The following ZNF518A variants were observed in gnomAD, a reference collection of about 807,000 sequenced individuals.
The protein encoded by ZNF518A is zinc finger protein 518.
A neutral mutation model predicts 102.7 loss-of-function variants in ZNF518A; 47 were observed. That is an observed-to-expected ratio of 0.46 (90% CI 0.36 to 0.58). ZNF518A has a LOEUF of 0.58. ZNF518A is among the 20% of genes least tolerant of loss of function. The pLI, the probability that ZNF518A is intolerant of heterozygous loss-of-function variation, is 0.00. For missense variants in ZNF518A, 1,793 were observed against 1,699.8 expected, an observed-to-expected ratio of 1.05 and a Z score of -0.96; for synonymous variants, 652 against 594.6, an observed-to-expected ratio of 1.10 and a Z score of -1.40.
At chr10:96,187,533 G>T (rs2083279482) in intron 1 of ZNF518A, among the ~76,000 whole-genome samples, 1 of 152,190 alleles carries the variant, frequency 6.6e-6, no homozygotes, top group African/African-American at 2.4e-5. Flanking sequence ...AGAGTGCAAG[G>T]TCTCCAAACC....
chr10:96,156,238 C>A lies in ZNF518A; in HGVS notation c.-85C>A. ...AAAATCCTGTATATTGAAGATGTCT[C>A]TACACAGTATCGTTTCCTGTTTAAA... On this transcript the variant is annotated 5_prime_UTR_variant, in exon 6 of 6. Coordinates refer to ENST00000316045, the MANE Select transcript of ZNF518A (RefSeq NM_001330736.2). 1 of 1,367,808 alleles carries A rather than the reference C, an allele frequency of 7.3e-7. No homozygotes were observed. The highest frequency in any genetic ancestry group is 9.8e-7 in the Non-Finnish European group (1 of 1,016,674). The allele number at this position is 1,367,808 out of a possible 1,614,324, so 84.7% of individuals were successfully genotyped here. A position where few individuals can be genotyped will look rare whatever the true frequency, so the allele number is the denominator to read the frequency against.
intron 1 of ZNF518A, among the ~76,000 whole-genome samples, chr10:96,186,170 G>A (rs1554892537): frequency 6.6e-6 from 1 of 152,162 alleles, no homozygotes; most frequent in Non-Finnish European, 1.5e-5. Context: ...CTGACCCCTT[G>A]TACTTCCTGG....
chr10:96,180,797 A>G (rs1405006457), intron 1 of ZNF518A, among the ~76,000 whole-genome samples: 1 of 152,220 alleles, frequency 6.6e-6, no homozygotes, highest in Non-Finnish European at 1.5e-5. Context: ...TAGTGCCGCA[A>G]TAAACGTACA....
At chr10:96,149,113 A>T (rs1286369898) in intron 3 of ZNF518A, among the ~76,000 whole-genome samples, 4 of 152,246 alleles carry the variant, frequency 2.6e-5, no homozygotes, top group Non-Finnish European at 5.9e-5. Context: ...AAATGAAGAC[A>T]TACAAAACAT....
In ZNF518A at chr10:96,156,496, A is replaced by T. The variant is rs782487803; in HGVS notation, c.174A>T (p.Pro58=). Residue 58 remains proline, a synonymous_variant, in exon 6 of 6, where the codon CCA becomes CCT. Transcript: ENST00000316045. The stretch of plus-strand genomic sequence containing the variant: ...TTGATTTGCCAAAAATAAATATTCC[A>T]AATGAAGTCCTATTGAAACATGAAG... ...VKIDLPKINI[P]NEVLLKHEVD... is the part of the protein sequence containing the mutation. 5 of 1,610,798 alleles carry T rather than the reference A, an allele frequency of 3.1e-6. No homozygotes were observed. The South Asian group carries it at 5.6e-5, about 18-fold the overall frequency.
chr10:96,144,450 A>G (rs2082079607), intron 3 of ZNF518A, among the ~76,000 whole-genome samples: 1 of 152,130 alleles, frequency 6.6e-6, no homozygotes, highest in African/African-American at 2.4e-5. Context: ...ATCCATATTT[A>G]TATGTTATGC....
intron 1 of ZNF518A, among the ~76,000 whole-genome samples, chr10:96,185,817 GC>G (rs2083268665): frequency 6.6e-6 from 1 of 152,192 alleles, no homozygotes. Flanking sequence ...GCTATGCCCT[GC>G]CCCCAGGGGT....
At chr10:96,165,281 T>C (rs746180261), downstream of ZNF518A, among the ~76,000 whole-genome samples, 190 of 152,266 alleles carry the variant, frequency 1.2e-3, no homozygotes, top group Non-Finnish European at 2.5e-3. Context: ...CTAATTTTCA[T>C]ATTTTTAGTA....
intron 3 of ZNF518A, among the ~76,000 whole-genome samples, chr10:96,148,905 C>T (rs2082298735): frequency 6.6e-6 from 1 of 152,124 alleles, no homozygotes; most frequent in Admixed American, 6.5e-5. Flanking sequence ...TTAGTAAAGA[C>T]GGGGTTTCAC....
chr10:96,201,190 C>T, intron 1 of ZNF518A: 1 of 807,312 alleles, frequency 1.2e-6, no homozygotes, highest in Non-Finnish European at 2.1e-6. Flanking sequence ...GCAATGGTTC[C>T]AAAAGTGTGG....
intron 3 of ZNF518A, among the ~76,000 whole-genome samples, chr10:96,137,348 GAAACA>G (rs1304662034): frequency 5.9e-5 from 9 of 151,950 alleles, no homozygotes; most frequent in Non-Finnish European, 1.3e-4. Flanking sequence ...AAAATAAATT[GAAACA>G]AAACAAAACA....
downstream of ZNF518A, among the ~76,000 whole-genome samples, chr10:96,167,400 G>C (rs1554890493): frequency 6.6e-6 from 1 of 152,226 alleles, no homozygotes; most frequent in Non-Finnish European, 1.5e-5. Context: ...GTTGCAGTGA[G>C]CCGAGATTGC....
chr10:96,169,816 AT>A (rs2083163032), intron 1 of ZNF518A, among the ~76,000 whole-genome samples: 1 of 152,202 alleles, frequency 6.6e-6, no homozygotes, highest in South Asian at 2.1e-4. Flanking sequence ...CAGGTTTGTT[AT>A]TCTTACCGTG....
intron 1 of ZNF518A, among the ~76,000 whole-genome samples, chr10:96,131,833 C>T (rs2081352893): frequency 1.3e-5 from 2 of 152,068 alleles, no homozygotes; most frequent in African/African-American, 4.8e-5. Flanking sequence ...CCAGAAGTTT[C>T]TATATTTTGA....
Position 96,160,751 on chromosome 10 carries a change from C to G in ZNF518A, c.4429C>G (p.Arg1477Gly), listed in dbSNP as rs1451919213. The change falls in exon 6 of 6, where the codon CGG becomes GGG. Residue 1477 changes from arginine (R) to glycine (G), a missense_variant. Transcript: ENST00000316045. ...HGQRHLMEAT[R>G]DWNMLE ...GCAGAGACATTTAATGGAAGCTACT[C>G]GGGATTGGAACATGTTAGAATAGTT... 7 of 1,593,830 alleles carry G rather than the reference C, an allele frequency of 4.4e-6. No homozygotes were observed. The highest frequency in any genetic ancestry group is 6.0e-6 in the Non-Finnish European group (7 of 1,172,910).
At chr10:96,201,211 C>T (rs1194666744) in intron 1 of ZNF518A, among the ~76,000 whole-genome samples, 4 of 152,130 alleles carry the variant, frequency 2.6e-5, no homozygotes, top group Non-Finnish European at 4.4e-5. Flanking sequence ...TCCAAGGACC[C>T]CTGGAAATCT....
downstream of ZNF518A, chr10:96,204,172 A>G: frequency 7.2e-7 from 1 of 1,387,474 alleles, no homozygotes. Context: ...TGATGCTGTG[A>G]ACAGGCACAT....
At chr10:96,139,089 G>A (rs74453195) in intron 3 of ZNF518A, among the ~76,000 whole-genome samples, 5 of 151,966 alleles carry the variant, frequency 3.3e-5, no homozygotes, top group Non-Finnish European at 5.9e-5. Flanking sequence ...AACAGCAGGT[G>A]CAAAGGCCTG....
chr10:96,158,291 A>C lies in ZNF518A; in HGVS notation c.1969A>C (p.Thr657Pro). ...TAATAAACGTCGTAGGTTTTCAGGA[A>C]CAGCAGTGTATGAAAACCCTCAAAG... is the stretch of plus-strand genomic sequence containing the variant. The part of the protein sequence containing the change: ...NSNKRRRFSG[T>P]AVYENPQRES... Residue 657 changes from threonine (T) to proline (P), a missense_variant, in exon 6 of 6, where the codon ACA (threonine) becomes CCA (proline). Physicochemically the swap from Thr to Pro is conservative, Grantham distance 38. Coordinates refer to ENST00000316045, the MANE Select transcript of ZNF518A (RefSeq NM_001330736.2). 1.2e-6 allele frequency: 2 copies of C among 1,613,726 alleles called. No homozygotes were observed. Among genetic ancestry groups the C allele is most frequent in the Non-Finnish European group, 1.7e-6 (2 of 1,179,728 alleles).
Sources: allele counts gnomAD v4.1 joint callset (sites outside exome capture counted in the v4.1 genomes callset), GRCh38; gene constraint gnomAD v4.1.1; transcripts MANE v1.5; gene names NCBI Gene and HGNC (gene_info 2026-07-23, HGNC 2026-07-21).